Variants in HIVEP2 observed in about 807,000 individuals in gnomAD.
HIVEP2 encodes the protein transcription factor HIVEP2.
A neutral mutation model predicts 180.7 loss-of-function variants in HIVEP2; 14 were observed. That is an observed-to-expected ratio of 0.08 (90% CI 0.05 to 0.12). The LOEUF is 0.12. Ranked by LOEUF, HIVEP2 falls within the 10% of genes least tolerant of loss-of-function variation. The pLI, the probability that HIVEP2 is intolerant of heterozygous loss-of-function variation, is 1.00. For missense variants in HIVEP2, 2,579 were observed against 3,008.5 expected (o/e 0.86, Z 3.34); for synonymous variants, 1,184 against 1,136.4 (o/e 1.04, Z -0.84).
chr6:142,888,730 A>G (rs1776773828), intron 1 of HIVEP2, among the ~76,000 whole-genome samples: 1 of 152,084 alleles, frequency 6.6e-6, no homozygotes, highest in Admixed American at 6.6e-5. Context: ...CTCAGCTCCC[A>G]TGTCTAATCA....
At chr6:142,753,952 A>G in intron 9 of HIVEP2, 21 bp from the exon 10 acceptor site, 1 of 1,364,556 alleles carries the variant, frequency 7.3e-7, no homozygotes, top group Non-Finnish European at 1.0e-6. Flanking sequence ...AAACAAAGAG[A>G]GCACAAAATT....
rs1181804051 is a variant in HIVEP2 at position 142,753,506 on chromosome 6, G to C, written c.6942C>G (p.Ser2314Arg). The C allele has an allele frequency of 6.2e-7, 1 of 1,614,144 alleles. No homozygotes were observed. The highest frequency in any genetic ancestry group is 1.7e-5 in the Admixed American group (1 of 60,032). Reference protein sequence around the residue: ...LLMKQSTSEDSLNATEREQEE... With the variant: ...LLMKQSTSEDRLNATEREQEE... ...CCTGTTCCCGCTCTGTTGCGTTTAGGCTGTCTTCCGAAGTGCTCTGTTTCA... is the reference window on the plus strand; with the variant it reads ...CCTGTTCCCGCTCTGTTGCGTTTAGCCTGTCTTCCGAAGTGCTCTGTTTCA... Residue 2314 changes from serine (S) to arginine (R), a missense_variant, in exon 10 of 10, where the codon AGC becomes AGG. By Grantham distance (110) the Ser-to-Arg change is moderately radical. Around this residue, in one of 11 missense-constraint regions of HIVEP2, gnomAD observed 660 missense variants for 731.7 expected, o/e 0.90. Coordinates refer to ENST00000367603, the MANE Select transcript of HIVEP2 (RefSeq NM_006734.4).
chr6:142,875,056 A>G (rs1776396290), intron 1 of HIVEP2, among the ~76,000 whole-genome samples: 1 of 152,214 alleles, frequency 6.6e-6, no homozygotes, highest in African/African-American at 2.4e-5. Context: ...TAAGTTGATC[A>G]TTTCAGATTC....
chr6:142,898,129 A>G (rs1480921854), intron 1 of HIVEP2, among the ~76,000 whole-genome samples: 2 of 152,108 alleles, frequency 1.3e-5, no homozygotes, highest in Non-Finnish European at 2.9e-5. Flanking sequence ...AGTGATAACA[A>G]CCTACCCTTT....
At chr6:142,829,301 A>G (rs1775008923) in intron 2 of HIVEP2, among the ~76,000 whole-genome samples, 1 of 152,118 alleles carries the variant, frequency 6.6e-6, no homozygotes, top group Non-Finnish European at 1.5e-5. Flanking sequence ...ATACCATATG[A>G]CTTTTCCTTC....
chr6:142,798,269 A>G (rs1776325746), intron 2 of HIVEP2, among the ~76,000 whole-genome samples: 1 of 145,752 alleles, frequency 6.9e-6, no homozygotes, highest in Non-Finnish European at 1.5e-5. Flanking sequence ...ACTTCGTCTC[A>G]AAAAAAAAAG....
At chr6:142,845,714 G>A (rs198652) in intron 1 of HIVEP2, among the ~76,000 whole-genome samples, 25,450 of 152,152 alleles carry the variant, frequency 0.17, 4,168 homozygotes, top group African/African-American at 0.43. Flanking sequence ...AATGAAGGTC[G>A]ATGCAATGTC....
chr6:142,864,531 G>A (rs113679043), intron 1 of HIVEP2, among the ~76,000 whole-genome samples: 30 of 152,216 alleles, frequency 2.0e-4, no homozygotes, highest in Middle Eastern at 3.4e-3. Flanking sequence ...CTGTTTATAC[G>A]TTTAGGATAT....
chr6:142,815,094 A>C (rs949165898), intron 2 of HIVEP2, among the ~76,000 whole-genome samples: 1 of 152,066 alleles, frequency 6.6e-6, no homozygotes, highest in Non-Finnish European at 1.5e-5. Context: ...TAAGGAGCTC[A>C]CTCCCAAGAT....
intron 2 of HIVEP2, among the ~76,000 whole-genome samples, chr6:142,793,644 C>CTT (rs1480019164): frequency 2.9e-5 from 1 of 34,276 alleles, no homozygotes; most frequent in East Asian, 3.8e-3. Context: ...TTCTTTCTTT[C>CTT]TTTCTTTCTT....
At chr6:142,855,400 C>T (rs1295484590) in intron 1 of HIVEP2, among the ~76,000 whole-genome samples, 1 of 152,190 alleles carries the variant, frequency 6.6e-6, no homozygotes, top group Non-Finnish European at 1.5e-5. Context: ...GTACAAGTAA[C>T]CGTCATCCCC....
At position 142,768,443 on chromosome 6, in the gene HIVEP2, C is replaced by T. The variant is rs369745182; in HGVS notation, c.5281G>A (p.Gly1761Arg). Residue 1761 changes from glycine to arginine, a missense_variant, in exon 6 of 10, where the codon GGA becomes AGA. Physicochemically the swap from Gly to Arg is moderately radical, Grantham distance 125. Transcript: ENST00000367603. ...TGTTTGGATCCAATATCTTTATCTC[C>T]ATGAATATCTCCTTTCCCTCTTTCC... ...LKERGKGDIH[G>R]DKDIGSKQTE... 126 of 1,613,032 alleles carry T rather than the reference C, an allele frequency of 7.8e-5. 1 individual carries two copies. In the Middle Eastern group the frequency reaches 9.9e-4, roughly 13 times the overall value.
intron 7 of HIVEP2, among the ~76,000 whole-genome samples, chr6:142,762,708 G>A (rs143738129): frequency 6.6e-6 from 1 of 152,236 alleles, no homozygotes; most frequent in Non-Finnish European, 1.5e-5. Context: ...CCTCTGGTAG[G>A]GGTGTTCAGC....
chr6:142,939,313 C>T lies in HIVEP2; in HGVS notation c.-641+5786G>A, dbSNP rs566695646. On this transcript the variant is annotated intron_variant, in intron 1 of 9. Coordinates refer to ENST00000367603, the MANE Select transcript of HIVEP2 (RefSeq NM_006734.4). The stretch of plus-strand genomic sequence containing the variant: ...TCTTTAGGATATTTTGGCAATCTAA[C>T]TGTCTCCTTGCCACCGAGATATTCA... Among the ~76,000 whole-genome samples, 92 of 151,320 alleles carry T rather than the reference C, an allele frequency of 6.1e-4. 1 individual carries two copies. In the South Asian group the frequency reaches 0.017, roughly 28 times the overall value.
intron 9 of HIVEP2, among the ~76,000 whole-genome samples, chr6:142,754,366 T>C (rs993555293): frequency 1.3e-5 from 2 of 152,184 alleles, no homozygotes; most frequent in Non-Finnish European, 2.9e-5. Flanking sequence ...TCTGTTGCTA[T>C]ACTGGACAGA....
chr6:142,791,369 A>C (rs918237114), intron 2 of HIVEP2, among the ~76,000 whole-genome samples: 2 of 152,220 alleles, frequency 1.3e-5, no homozygotes, highest in African/African-American at 4.8e-5. Context: ...TGATTTGCAC[A>C]AATGAATTAA....
At position 142,760,632 on chromosome 6, in the gene HIVEP2, GCTT is replaced by G. The variant is rs778494449; in HGVS notation, c.5653_5655del (p.Lys1885del). The G allele has an allele frequency of 1.9e-6, 3 of 1,612,098 alleles. No homozygotes were observed. In the Admixed American group the frequency reaches 5.0e-5, roughly 27 times the overall value. On this transcript the variant is annotated inframe_deletion, in exon 9 of 10. Coordinates refer to ENST00000367603, the MANE Select transcript of HIVEP2 (RefSeq NM_006734.4). ...TCAGTTGAAATGCTGGACATGCTAT[GCTT>G]CTCTGCTGCTTTGTGCAAATCTTCC...
chr6:142,818,738 AAAG>A (rs1177596735), intron 2 of HIVEP2, among the ~76,000 whole-genome samples: 8 of 80,412 alleles, frequency 9.9e-5, no homozygotes, highest in East Asian at 8.2e-4. Flanking sequence ...GAAAGAAAAG[AAAG>A]AAAGAAAGAA....
At chr6:142,779,212 G>T (rs891856862) in intron 3 of HIVEP2, among the ~76,000 whole-genome samples, 2 of 152,114 alleles carry the variant, frequency 1.3e-5, no homozygotes, top group Non-Finnish European at 2.9e-5. Context: ...AAGCCACTGT[G>T]CCCAGCTTGG....
Sources: allele counts gnomAD v4.1 joint callset (sites outside exome capture counted in the v4.1 genomes callset), GRCh38; gene constraint gnomAD v4.1.1; regional missense constraint gnomAD v4.1.1; transcripts MANE v1.5; gene names NCBI Gene and HGNC (gene_info 2026-07-23, HGNC 2026-07-21).